Variants in WWOX observed in about 807,000 individuals in gnomAD.
The protein encoded by WWOX is WW domain-containing oxidoreductase.
Under a neutral mutation model 46.2 loss-of-function variants are expected in WWOX, and 69 were observed. That is an observed-to-expected ratio of 1.49 (90% CI 1.23 to 1.82). The LOEUF is 1.82. WWOX is among the 40% of genes most tolerant of loss of function. WWOX has a pLI of 0.00. For missense variants in WWOX, 919 were observed against 542.6 expected (o/e 1.69, Z -6.89); for synonymous variants, 359 against 202.6 (o/e 1.77, Z -6.56).
chr16:78,599,235 G>C (rs1017362536), intron 8 of WWOX, among the ~76,000 whole-genome samples: 17 of 152,288 alleles, frequency 1.1e-4, no homozygotes, highest in African/African-American at 3.8e-4. Context: ...TTTTCCTTTT[G>C]AGAAAGAGGA....
chr16:78,269,908 A>G (rs1332796913), intron 5 of WWOX, among the ~76,000 whole-genome samples: 1 of 116,836 alleles, frequency 8.6e-6, no homozygotes, highest in Non-Finnish European at 1.7e-5. Context: ...ATCTATACAT[A>G]AGGAAGTTTT....
intron 8 of WWOX, among the ~76,000 whole-genome samples, chr16:78,947,402 A>T (rs1479181299): frequency 6.6e-6 from 1 of 152,100 alleles, no homozygotes; most frequent in Non-Finnish European, 1.5e-5. Context: ...CCCTGCATTT[A>T]TTACAGCGCA....
At position 79,034,316 on chromosome 16, in the gene WWOX, T is replaced by C. The variant is rs76069932; in HGVS notation, c.1057-177292T>C. Among the ~76,000 whole-genome samples, 70 of 152,352 alleles carry C rather than the reference T, an allele frequency of 4.6e-4. 1 individual carries two copies. The East Asian group carries it at 0.013, about 28-fold the overall frequency. On this transcript the variant is annotated intron_variant, in intron 8 of 8. Transcript: ENST00000566780. ...CCATTATTAGTAATGTCAATAACTT[T>C]CCTGACATCCATTTGGGCATTGTAT...
intron 8 of WWOX, among the ~76,000 whole-genome samples, chr16:79,027,667 T>TG (rs1452797688): frequency 1.3e-5 from 2 of 152,018 alleles, no homozygotes; most frequent in Non-Finnish European, 2.9e-5. Context: ...TTTGCAAAGG[T>TG]GGAACACCTT....
At chr16:78,357,970 C>A (rs1283939702) in intron 5 of WWOX, among the ~76,000 whole-genome samples, 4 of 152,164 alleles carry the variant, frequency 2.6e-5, no homozygotes, top group African/African-American at 4.8e-5. Context: ...GTCACTGATA[C>A]AACTGGGGAC....
intron 8 of WWOX, among the ~76,000 whole-genome samples, chr16:78,446,657 CTTTTTTTTTT>C (rs5818138): frequency 1.1e-5 from 1 of 88,118 alleles, no homozygotes; most frequent in African/African-American, 4.6e-5. Flanking sequence ...CAAGTGTATA[CTTTTTTTTTT>C]TTTTTTTTTT....
chr16:78,728,027 CCCTT>C (rs1272048785), intron 8 of WWOX, among the ~76,000 whole-genome samples: 2 of 148,640 alleles, frequency 1.3e-5, no homozygotes, highest in Non-Finnish European at 3.0e-5. Flanking sequence ...ATAGATAACT[CCCTT>C]CCTCTTTCCT....
chr16:78,558,056 G>A (rs1265395349), intron 8 of WWOX, among the ~76,000 whole-genome samples: 1 of 152,034 alleles, frequency 6.6e-6, no homozygotes, highest in Non-Finnish European at 1.5e-5. Flanking sequence ...AGCATTTGTT[G>A]ACTAACTTAG....
At chr16:78,608,206 C>T (rs1268164166) in intron 8 of WWOX, among the ~76,000 whole-genome samples, 1 of 152,098 alleles carries the variant, frequency 6.6e-6, no homozygotes, top group Non-Finnish European at 1.5e-5. Context: ...ATACACCATG[C>T]ATGAGACAGA....
chr16:78,955,856 C>G (rs867749185), intron 8 of WWOX, among the ~76,000 whole-genome samples: 10 of 151,992 alleles, frequency 6.6e-5, no homozygotes, highest in Middle Eastern at 3.4e-3. Context: ...GTTTCCCAGG[C>G]TGGTCTCTAA....
At chr16:78,647,760 A>C (rs1305435998) in intron 8 of WWOX, among the ~76,000 whole-genome samples, 1 of 152,230 alleles carries the variant, frequency 6.6e-6, no homozygotes, top group East Asian at 1.9e-4. Flanking sequence ...CCCAGATCTA[A>C]CTGGACCCAA....
At chr16:79,102,889 C>A (rs978943233) in intron 8 of WWOX, among the ~76,000 whole-genome samples, 1 of 151,350 alleles carries the variant, frequency 6.6e-6, no homozygotes, top group Non-Finnish European at 1.5e-5. Context: ...TACTTGGGCA[C>A]GCACATGCAA....
intron 8 of WWOX, among the ~76,000 whole-genome samples, chr16:78,978,733 A>G (rs560631719): frequency 1.3e-5 from 2 of 152,058 alleles, no homozygotes; most frequent in Admixed American, 1.3e-4. Flanking sequence ...CACACTTTTC[A>G]ACCACCGAAT....
At chr16:78,444,496 T>C (rs1373384209) in intron 8 of WWOX, among the ~76,000 whole-genome samples, 1 of 151,834 alleles carries the variant, frequency 6.6e-6, no homozygotes, top group Non-Finnish European at 1.5e-5. Flanking sequence ...TGTCAGAAAT[T>C]ATAGGAAGGA....
intron 8 of WWOX, among the ~76,000 whole-genome samples, chr16:79,036,886 A>G (rs2047877626): frequency 6.6e-6 from 1 of 152,202 alleles, no homozygotes; most frequent in Non-Finnish European, 1.5e-5. Flanking sequence ...GGAAGTGCCA[A>G]AGGGATTCTT....
At chr16:78,909,518 C>A (rs1043837290) in intron 8 of WWOX, among the ~76,000 whole-genome samples, 1 of 152,144 alleles carries the variant, frequency 6.6e-6, no homozygotes, top group African/African-American at 2.4e-5. Context: ...TCCTCTAGGT[C>A]CCACGTGCCT....
chr16:79,107,562 C>G (rs1330790478), intron 8 of WWOX, among the ~76,000 whole-genome samples: 1 of 152,202 alleles, frequency 6.6e-6, no homozygotes, highest in Non-Finnish European at 1.5e-5. Flanking sequence ...AGCCCAAAGA[C>G]CAGCCTGACT....
At chr16:78,851,342 G>A (rs574432946) in intron 8 of WWOX, among the ~76,000 whole-genome samples, 1 of 152,184 alleles carries the variant, frequency 6.6e-6, no homozygotes, top group Non-Finnish European at 1.5e-5. Flanking sequence ...TAGGAAGAGA[G>A]GATGAGAATT....
chr16:79,128,362 G>T (rs1026889013), intron 8 of WWOX, among the ~76,000 whole-genome samples: 13 of 150,472 alleles, frequency 8.6e-5, no homozygotes, highest in Non-Finnish European at 1.5e-4. Context: ...GGTCTTAGAA[G>T]TGTGAAAAAC....
Sources: gnomAD v4.1 joint callset for allele counts (sites outside exome capture counted in the v4.1 genomes callset) on GRCh38, gnomAD v4.1.1 for gene constraint, MANE v1.5 for transcripts, NCBI Gene and HGNC (gene_info 2026-07-23, HGNC 2026-07-21) for gene names.